Variants in FRMPD3 observed in about 807,000 individuals in gnomAD.
The protein encoded by FRMPD3 is FERM and PDZ domain-containing protein 3.
In FRMPD3, 42 loss-of-function variants were observed where a neutral mutation model predicts 97.9. That is an observed-to-expected ratio of 0.43 (90% CI 0.34 to 0.55). FRMPD3 has a LOEUF of 0.55. Among genes scored for constraint, FRMPD3 ranks in the 20% least tolerant of loss-of-function variants. The pLI is 0.03. For missense variants in FRMPD3, 1,303 were observed against 1,457.7 expected (o/e 0.89, Z 1.73); for synonymous variants, 577 against 581.1 (o/e 0.99, Z 0.10).
At chrX:107,594,124 G>T (rs1924046503) in intron 13 of FRMPD3, among the ~76,000 whole-genome samples, 2 of 111,572 alleles carry the variant, frequency 1.8e-5, no homozygotes, top group South Asian at 7.4e-4. Flanking sequence ...TGCAGCTATT[G>T]TAAGAAGGGT....
chrX:107,515,372 G>C (rs1251684483), intron 1 of FRMPD3, among the ~76,000 whole-genome samples: 1 of 111,565 alleles, frequency 9.0e-6, no homozygotes, highest in Non-Finnish European at 1.9e-5. Flanking sequence ...GTTTCGGCAA[G>C]GATGAAGTGG....
At chrX:107,471,463 C>A (rs961626989) in intron 1 of FRMPD3, among the ~76,000 whole-genome samples, 1 of 111,098 alleles carries the variant, frequency 9.0e-6, no homozygotes, top group Non-Finnish European at 1.9e-5. Flanking sequence ...CGCCATCCCC[C>A]CAACAGGCCC....
chrX:107,596,244 C>CT (rs1449875391), intron 13 of FRMPD3, among the ~76,000 whole-genome samples: 5 of 111,845 alleles, frequency 4.5e-5, no homozygotes, highest in Admixed American at 9.5e-5. Flanking sequence ...GTTTTGAAGT[C>CT]TTTCAGACCT....
At chrX:107,491,012 G>A (rs911168257) in intron 1 of FRMPD3, among the ~76,000 whole-genome samples, 3 of 111,606 alleles carry the variant, frequency 2.7e-5, no homozygotes, top group Non-Finnish European at 5.6e-5. Context: ...TGAGGTAGAT[G>A]GTGTTATCAT....
chrX:107,536,319 G>C (rs375877551), intron 4 of FRMPD3, among the ~76,000 whole-genome samples: 1 of 111,221 alleles, frequency 9.0e-6, no homozygotes, highest in East Asian at 2.8e-4. Context: ...TAGCACCACT[G>C]TACTCCAGCC....
intron 1 of FRMPD3, among the ~76,000 whole-genome samples, chrX:107,475,581 T>C (rs1390037619): frequency 8.9e-6 from 1 of 112,672 alleles, no homozygotes; most frequent in Non-Finnish European, 1.9e-5. Flanking sequence ...AGGGTTATAA[T>C]TTTGATTCAT....
chrX:107,601,473 C>A lies in FRMPD3; in HGVS notation c.3434C>A (p.Pro1145His). 1 of 1,170,768 alleles carries A rather than the reference C, an allele frequency of 8.5e-7. No individual in the cohort carries two copies. Among genetic ancestry groups the A allele is most frequent in the South Asian group, 1.9e-5 (1 of 53,131 alleles). Reference protein sequence around the residue: ...SPSCQSRSHSPSCQPHGHSPS... With the variant: ...SPSCQSRSHSHSCQPHGHSPS... ...AGCTGCCAGTCAAGAAGCCACAGCCCCAGCTGCCAGCCTCATGGCCACAGC... is the reference window on the plus strand; with the variant it reads ...AGCTGCCAGTCAAGAAGCCACAGCCACAGCTGCCAGCCTCATGGCCACAGC... The change falls in exon 15 of 15, where the codon CCC becomes CAC. Residue 1145 changes from proline to histidine, a missense_variant. Physicochemically the swap from Pro to His is moderately conservative, Grantham distance 77. Transcript: ENST00000683843.
chrX:107,577,597 C>T (rs921985576), intron 13 of FRMPD3, among the ~76,000 whole-genome samples: 6 of 109,717 alleles, frequency 5.5e-5, no homozygotes, highest in Admixed American at 2.0e-4. Flanking sequence ...TGCAGTGAGC[C>T]GAGATCCCGC....
Position 107,514,861 on chromosome X carries a change from A to G in FRMPD3, c.-7-11721A>G, listed in dbSNP as rs143710736. Among the ~76,000 whole-genome samples the G allele has an allele frequency of 7.1e-3, 792 of 110,843 alleles. 2 individuals carry two copies. The highest frequency in any genetic ancestry group is 0.028 in the Middle Eastern group (6 of 214). On this transcript the variant is annotated intron_variant, in intron 1 of 14. Transcript: ENST00000683843. Reference sequence around the variant, plus strand: ...TTTTAGGTGACAGCTGACAATACTTATACAATACTGAGGGACTAGGTGGGG... The same window carrying G: ...TTTTAGGTGACAGCTGACAATACTTGTACAATACTGAGGGACTAGGTGGGG...
At chrX:107,560,474 T>C (rs1043457684) in intron 9 of FRMPD3, 81 bp downstream of exon 9, 9 of 1,113,582 alleles carry the variant, frequency 8.1e-6, no homozygotes, top group Non-Finnish European at 9.6e-6. Context: ...TATGCTATGC[T>C]TTTCAGAAAT....
At chrX:107,507,870 A>G (rs1037262898) in intron 1 of FRMPD3, among the ~76,000 whole-genome samples, 4 of 111,925 alleles carry the variant, frequency 3.6e-5, no homozygotes, top group African/African-American at 1.3e-4. Context: ...AGTACTGATG[A>G]TCCTAGTAGC....
chrX:107,488,895 TA>T (rs1294735291), intron 1 of FRMPD3, among the ~76,000 whole-genome samples: 6 of 109,310 alleles, frequency 5.5e-5, no homozygotes, highest in African/African-American at 1.7e-4. Flanking sequence ...GCAGGTTTGT[TA>T]CATATGTATA....
At chrX:107,536,622 TATA>T (rs1358202604) in intron 4 of FRMPD3, among the ~76,000 whole-genome samples, 5 of 111,873 alleles carry the variant, frequency 4.5e-5, no homozygotes, top group African/African-American at 1.6e-4. Flanking sequence ...ATAAAGCTGC[TATA>T]ATATTTGTGT....
chrX:107,564,982 C>T lies in FRMPD3; in HGVS notation c.1212C>T (p.Ser404=), dbSNP rs766508472. Residue 404 remains serine, a synonymous_variant, in exon 12 of 15, where the codon TCC becomes TCT. Transcript: ENST00000683843. ...DLKTNLTTVL[S]EFSKISKIQL... ...AAACCAACCTCACCACTGTGCTGTC[C>T]GAGTTCAGCAAGATCAGCAAGATCC... 193 of 1,207,602 alleles carry T rather than the reference C, an allele frequency of 1.6e-4. No homozygotes were observed. The highest frequency in any genetic ancestry group is 2.3e-4 in the Middle Eastern group (1 of 4,364).
chrX:107,503,798 A>T (rs113051596), intron 1 of FRMPD3, among the ~76,000 whole-genome samples: 6,027 of 111,817 alleles, frequency 0.054, 404 homozygotes, highest in African/African-American at 0.19. Context: ...CCAGTGAAGA[A>T]GTTGCAAGCT....
intron 8 of FRMPD3, among the ~76,000 whole-genome samples, chrX:107,557,998 A>G (rs1171351958): frequency 9.4e-6 from 1 of 105,849 alleles, no homozygotes; most frequent in African/African-American, 3.4e-5. Context: ...TTTGGCTATT[A>G]TAGGTCCTTT....
chrX:107,458,726 G>T (rs1931417889), intron 1 of FRMPD3, among the ~76,000 whole-genome samples: 3 of 111,685 alleles, frequency 2.7e-5, no homozygotes, highest in African/African-American at 6.5e-5. Flanking sequence ...CTTGGGGGCT[G>T]TCGGACAATT....
At chrX:107,553,637 C>A (rs1050990867) in intron 7 of FRMPD3, among the ~76,000 whole-genome samples, 3 of 110,748 alleles carry the variant, frequency 2.7e-5, no homozygotes, top group African/African-American at 9.9e-5. Context: ...CCAAACAAAA[C>A]CCCAAATCAG....
chrX:107,600,731 C>A lies in FRMPD3; in HGVS notation c.2692C>A (p.Pro898Thr). The A allele has an allele frequency of 8.3e-7, 1 of 1,203,403 alleles. No individual in the cohort carries two copies. The highest frequency in any genetic ancestry group is 1.1e-6 in the Non-Finnish European group (1 of 891,432). The change falls in exon 15 of 15, where the codon CCT (proline) becomes ACT (threonine). Residue 898 changes from proline (P) to threonine (T), a missense_variant. This residue lies in a region of FRMPD3 where 764 missense variants were observed against 820.2 expected (regional missense o/e 0.93). Transcript: ENST00000683843. ...GAATCTGAGTCTGCTGTCCCCAGTT[C>A]CTGAGGACAAAGGGCCTGGCCACAC... ...QKNLSLLSPV[P>T]EDKGPGHTRA...
Sources: gnomAD v4.1 joint callset for allele counts (sites outside exome capture counted in the v4.1 genomes callset) on GRCh38, gnomAD v4.1.1 for gene constraint, gnomAD v4.1.1 regional missense constraint, MANE v1.5 for transcripts, NCBI Gene and HGNC (gene_info 2026-07-23, HGNC 2026-07-21) for gene names.